Variants in HECW1 observed in about 807,000 individuals in gnomAD.
The protein encoded by HECW1 is HECT, C2 and WW domain containing E3 ubiquitin protein ligase 1, also known as E3 ubiquitin-protein ligase HECW1.
HECW1 carries 61 observed loss-of-function variants against 182.3 expected under a neutral mutation model. The observed-to-expected ratio is 0.33, with a 90% CI of 0.27 to 0.41. HECW1 has a LOEUF of 0.41. Ranked by LOEUF, HECW1 falls within the 10% of genes least tolerant of loss-of-function variation. HECW1 has a pLI of 1.00. For missense variants in HECW1, 1,739 were observed against 2,108.9 expected (o/e 0.82, Z 3.44); for synonymous variants, 859 against 832.6 (o/e 1.03, Z -0.55).
At chr7:43,361,003 T>A in intron 6 of HECW1, 23 bp downstream of exon 6, 2 of 1,527,712 alleles carry the variant, frequency 1.3e-6, no homozygotes, top group Non-Finnish European at 1.8e-6. Context: ...TCTCCGTCTT[T>A]GGTTAGACCT....
intron 8 of HECW1, among the ~76,000 whole-genome samples, chr7:43,426,964 A>G (rs1183882222): frequency 6.6e-6 from 1 of 152,094 alleles, no homozygotes; most frequent in Non-Finnish European, 1.5e-5. Flanking sequence ...GTTTTTTTAT[A>G]TCTCTACTAT....
chr7:43,479,482 T>G, intron 16 of HECW1, 128 bp from the exon 17 acceptor site: 1 of 1,104,858 alleles, frequency 9.1e-7, no homozygotes, highest in Non-Finnish European at 1.3e-6. Flanking sequence ...AAAAAGGAAG[T>G]AGGGGTAGGG....
chr7:43,122,712 A>G (rs1196476068), intron 2 of HECW1, among the ~76,000 whole-genome samples: 1 of 152,214 alleles, frequency 6.6e-6, no homozygotes, highest in Non-Finnish European at 1.5e-5. Flanking sequence ...AAAGGAAAAA[A>G]ATATCACTAT....
In HECW1 at chr7:43,407,686, A is replaced by G; in HGVS notation, c.756A>G (p.Arg252=). 6.2e-7 allele frequency: 1 copy of G among 1,613,780 alleles called. No individual in the cohort carries two copies. The highest frequency in any genetic ancestry group is 1.1e-5 in the South Asian group (1 of 91,010). ...PALPHHGQER[R]SKIIGNTVNP... ...TCCCTCACCATGGACAGGAGAGGAGATCCAAGATCATAGGCAACACCGTGA... is the reference window on the plus strand; with the variant it reads ...TCCCTCACCATGGACAGGAGAGGAGGTCCAAGATCATAGGCAACACCGTGA... The change falls in exon 8 of 30, where the codon AGA becomes AGG. Residue 252 remains arginine (R), a synonymous_variant. Transcript: ENST00000395891.
At chr7:43,281,912 G>T (rs1803968739) in intron 3 of HECW1, among the ~76,000 whole-genome samples, 1 of 151,778 alleles carries the variant, frequency 6.6e-6, no homozygotes, top group Non-Finnish European at 1.5e-5. Context: ...AGAACTCAAA[G>T]TCCTGCCCTG....
intron 3 of HECW1, among the ~76,000 whole-genome samples, chr7:43,250,960 C>T (rs1799964353): frequency 1.3e-5 from 2 of 152,182 alleles, no homozygotes; most frequent in South Asian, 2.1e-4. Flanking sequence ...TAGCTCACCT[C>T]CTCTGAAGGC....
At chr7:43,329,241 T>C (rs1811165270) in intron 5 of HECW1, among the ~76,000 whole-genome samples, 1 of 151,616 alleles carries the variant, frequency 6.6e-6, no homozygotes, top group Non-Finnish European at 1.5e-5. Flanking sequence ...AAAGAAACAT[T>C]CCAGGGAAGG....
chr7:43,421,958 C>G (rs1006527991), intron 8 of HECW1, among the ~76,000 whole-genome samples: 5 of 152,072 alleles, frequency 3.3e-5, no homozygotes. Flanking sequence ...AGCCATGATC[C>G]CTTGCTTTTG....
chr7:43,273,782 T>C (rs1802727743), intron 3 of HECW1, among the ~76,000 whole-genome samples: 1 of 151,958 alleles, frequency 6.6e-6, no homozygotes, highest in Non-Finnish European at 1.5e-5. Flanking sequence ...ATTGGGAAAT[T>C]GTGTCATATT....
At chr7:43,319,434 G>A (rs1809778232) in intron 4 of HECW1, among the ~76,000 whole-genome samples, 1 of 148,358 alleles carries the variant, frequency 6.7e-6, no homozygotes, top group African/African-American at 2.5e-5. Flanking sequence ...AGGTTGCAAA[G>A]TGATGAGCAG....
intron 2 of HECW1, among the ~76,000 whole-genome samples, chr7:43,184,671 A>G (rs78400273): frequency 0.067 from 10,174 of 152,250 alleles, 480 homozygotes; most frequent in East Asian, 0.27. Context: ...CCAATGGCCA[A>G]TGATTTAACC....
At chr7:43,152,311 A>G (rs1211931834) in intron 2 of HECW1, among the ~76,000 whole-genome samples, 2 of 152,256 alleles carry the variant, frequency 1.3e-5, no homozygotes, top group Non-Finnish European at 2.9e-5. Flanking sequence ...CATTGAAAGC[A>G]GTAATCTCAC....
At chr7:43,448,242 G>C (rs1584940545) in intron 11 of HECW1, among the ~76,000 whole-genome samples, 1 of 152,160 alleles carries the variant, frequency 6.6e-6, no homozygotes, top group Non-Finnish European at 1.5e-5. Flanking sequence ...GAGGAACACT[G>C]TTCTAAGTCT....
chr7:43,420,637 G>A (rs924874968), intron 8 of HECW1, among the ~76,000 whole-genome samples: 4 of 152,014 alleles, frequency 2.6e-5, no homozygotes, highest in African/African-American at 9.7e-5. Flanking sequence ...TAAATAAAAG[G>A]TAGATACGTA....
At chr7:43,264,376 C>G (rs898363057) in intron 3 of HECW1, among the ~76,000 whole-genome samples, 1 of 152,134 alleles carries the variant, frequency 6.6e-6, no homozygotes, top group African/African-American at 2.4e-5. Flanking sequence ...TAACATATAA[C>G]CTGAACATCC....
intron 8 of HECW1, among the ~76,000 whole-genome samples, chr7:43,430,557 C>T (rs1344159925): frequency 6.6e-6 from 1 of 152,056 alleles, no homozygotes; most frequent in South Asian, 2.1e-4. Flanking sequence ...TATACATTAT[C>T]GTTTTTCTTT....
intron 8 of HECW1, 145 bp from the exon 9 acceptor site, chr7:43,437,858 G>A: frequency 1.3e-6 from 1 of 789,302 alleles, no homozygotes; most frequent in Non-Finnish European, 2.0e-6. Flanking sequence ...TGAATAAACA[G>A]GTTCACAACA....
At chr7:43,294,907 C>T (rs112097930) in intron 3 of HECW1, among the ~76,000 whole-genome samples, 3,266 of 152,102 alleles carry the variant, frequency 0.021, 125 homozygotes, top group African/African-American at 0.076. Flanking sequence ...TTTAGGGAGA[C>T]GTGAGACTTC....
At chr7:43,456,774 A>G (rs2077416640) in intron 13 of HECW1, among the ~76,000 whole-genome samples, 1 of 152,116 alleles carries the variant, frequency 6.6e-6, no homozygotes, top group Admixed American at 6.5e-5. Flanking sequence ...TGTTCCTTGA[A>G]CTTTCCAGGC....
Sources: gnomAD v4.1 joint callset for allele counts (sites outside exome capture counted in the v4.1 genomes callset) on GRCh38, gnomAD v4.1.1 for gene constraint, MANE v1.5 for transcripts, NCBI Gene and HGNC (gene_info 2026-07-23, HGNC 2026-07-21) for gene names.